EXOC4: variants seen among roughly 807,000 people sequenced by gnomAD.
The protein encoded by EXOC4 is SEC8-like 1.
EXOC4 carries 71 observed loss-of-function variants against 107.2 expected under a neutral mutation model. The observed-to-expected ratio is 0.66, with a 90% CI of 0.55 to 0.81. EXOC4 has a LOEUF of 0.81. EXOC4 is among the 30% of genes least tolerant of loss of function. EXOC4 has a pLI of 0.00. For synonymous variants in EXOC4, 456 were observed against 441.2 expected, an observed-to-expected ratio of 1.03 and a Z score of -0.42; for missense variants, 1,108 against 1,189.6, an observed-to-expected ratio of 0.93 and a Z score of 1.01.
At chr7:133,430,728 C>T (rs868211732) in intron 7 of EXOC4, among the ~76,000 whole-genome samples, 10 of 152,248 alleles carry the variant, frequency 6.6e-5, no homozygotes, top group South Asian at 4.1e-4. Context: ...TATTCCACCA[C>T]GCATATTGGG....
chr7:133,472,432 T>C (rs1235080499), intron 7 of EXOC4, among the ~76,000 whole-genome samples: 1 of 152,152 alleles, frequency 6.6e-6, no homozygotes, highest in East Asian at 1.9e-4. Flanking sequence ...AAGATGGTTC[T>C]GAAGTTTTAA....
rs79944645 is a variant in EXOC4, at chr7:133,477,194, G to C, written c.1328+1721G>C. On this transcript the variant is annotated intron_variant, in intron 8 of 17. Coordinates refer to ENST00000253861, the MANE Select transcript of EXOC4 (RefSeq NM_021807.4). ...TAACTAAATTCCATAGTTTACATTAGAGTTCACTCTTTGTGTTGTACAGTT... is the reference window on the plus strand; with the variant it reads ...TAACTAAATTCCATAGTTTACATTACAGTTCACTCTTTGTGTTGTACAGTT... Among the ~76,000 whole-genome samples, 11 of 152,194 alleles carry C rather than the reference G, an allele frequency of 7.2e-5. No homozygotes were observed. In the East Asian group the frequency reaches 2.1e-3, roughly 29 times the overall value.
At chr7:133,812,858 G>C in intron 10 of EXOC4, among the ~76,000 whole-genome samples, 1 of 151,740 alleles carries the variant, frequency 6.6e-6, no homozygotes, top group African/African-American at 2.4e-5. Flanking sequence ...TACCCCTCCC[G>C]GAAATTTTGT....
intron 14 of EXOC4, among the ~76,000 whole-genome samples, chr7:133,962,480 T>C (rs913664703): frequency 1.3e-5 from 2 of 152,168 alleles, no homozygotes; most frequent in Non-Finnish European, 2.9e-5. Flanking sequence ...AAGATGATCA[T>C]TGGGGCTACA....
At chr7:133,511,345 G>C (rs997816194) in intron 9 of EXOC4, among the ~76,000 whole-genome samples, 2 of 151,968 alleles carry the variant, frequency 1.3e-5, no homozygotes, top group Non-Finnish European at 2.9e-5. Flanking sequence ...GTTTCTAGGG[G>C]CAAAAAAAAT....
intron 7 of EXOC4, among the ~76,000 whole-genome samples, chr7:133,423,588 G>A (rs1321352686): frequency 6.6e-6 from 1 of 152,152 alleles, no homozygotes; most frequent in African/African-American, 2.4e-5. Flanking sequence ...TATGTACCCT[G>A]TACCTAGTGC....
intron 10 of EXOC4, among the ~76,000 whole-genome samples, chr7:133,633,909 C>G (rs1046424643): frequency 2.6e-5 from 4 of 152,020 alleles, no homozygotes; most frequent in African/African-American, 9.7e-5. Context: ...TTCCCTATGT[C>G]TGGTGTCACT....
chr7:133,403,911 C>T (rs1006398775), intron 7 of EXOC4, among the ~76,000 whole-genome samples: 1 of 152,070 alleles, frequency 6.6e-6, no homozygotes. Flanking sequence ...ACAGTTCTAC[C>T]TCTCTCTGTC....
intron 8 of EXOC4, among the ~76,000 whole-genome samples, chr7:133,477,697 A>G (rs1799051507): frequency 6.6e-6 from 1 of 152,356 alleles, no homozygotes; most frequent in South Asian, 2.1e-4. Context: ...TCATTCAGTG[A>G]TACTATGTTT....
intron 14 of EXOC4, among the ~76,000 whole-genome samples, chr7:133,948,431 G>A (rs779029033): frequency 7.9e-5 from 12 of 152,142 alleles, no homozygotes; most frequent in Non-Finnish European, 1.6e-4. Context: ...GAAGTGACAT[G>A]GAAGGACTCT....
intron 4 of EXOC4, among the ~76,000 whole-genome samples, chr7:133,311,968 C>T (rs145470794): frequency 3.3e-5 from 5 of 152,080 alleles, no homozygotes; most frequent in African/African-American, 4.8e-5. Flanking sequence ...GGCGGAAATG[C>T]GTAGCTTTCT....
intron 10 of EXOC4, among the ~76,000 whole-genome samples, chr7:133,652,574 C>A (rs1803187702): frequency 6.6e-6 from 1 of 151,846 alleles, no homozygotes; most frequent in Admixed American, 6.6e-5. Context: ...AAAGACAGAC[C>A]AGGGTACAAA....
chr7:133,356,706 C>G, intron 6 of EXOC4, 133 bp downstream of exon 6: 1 of 1,044,482 alleles, frequency 9.6e-7, no homozygotes, highest in Non-Finnish European at 1.4e-6. Flanking sequence ...ACAGGCCAGG[C>G]GCAGTGGCTC....
intron 12 of EXOC4, among the ~76,000 whole-genome samples, chr7:133,898,745 CAAAAAAAAAAAAA>C (rs869131471): frequency 1.9e-4 from 12 of 64,794 alleles, no homozygotes; most frequent in African/African-American, 7.4e-4. Context: ...GACTCTGTCT[CAAAAAAAAAAAAA>C]AAAAAAAAAA....
intron 17 of EXOC4, among the ~76,000 whole-genome samples, chr7:134,018,125 A>G (rs758540169): frequency 1.3e-5 from 2 of 152,172 alleles, no homozygotes; most frequent in African/African-American, 4.8e-5. Context: ...CCACCCAGGG[A>G]GGCTATTTTT....
chr7:133,389,016 C>T (rs929418704), intron 7 of EXOC4, among the ~76,000 whole-genome samples: 16 of 152,024 alleles, frequency 1.1e-4, no homozygotes, highest in African/African-American at 2.2e-4. Flanking sequence ...TTTTTGGGGA[C>T]GTAATTACTT....
chr7:133,450,743 T>C (rs17596858), intron 7 of EXOC4, among the ~76,000 whole-genome samples: 15,695 of 152,270 alleles, frequency 0.1, 1,041 homozygotes, highest in South Asian at 0.23. Flanking sequence ...ACTATCTGGC[T>C]TCCTGAAACA....
chr7:133,846,250 C>G, intron 11 of EXOC4, among the ~76,000 whole-genome samples: 1 of 152,218 alleles, frequency 6.6e-6, no homozygotes, highest in East Asian at 1.9e-4. Context: ...TTCATATAAT[C>G]TTTTAAGTCT....
chr7:133,449,716 T>C (rs1798296777), intron 7 of EXOC4, among the ~76,000 whole-genome samples: 1 of 110,812 alleles, frequency 9.0e-6, no homozygotes, highest in African/African-American at 3.6e-5. Context: ...AGCAAGAAAA[T>C]ACATTTGTGT....
Sources: allele counts gnomAD v4.1 joint callset (sites outside exome capture counted in the v4.1 genomes callset), GRCh38; gene constraint gnomAD v4.1.1; transcripts MANE v1.5; gene names NCBI Gene and HGNC (gene_info 2026-07-23, HGNC 2026-07-21).